The following RARB variants were observed in gnomAD, a reference collection of about 807,000 sequenced individuals.
The protein encoded by RARB is HBV-activated protein.
In RARB, 17 loss-of-function variants were observed where a neutral mutation model predicts 51.9. The observed-to-expected ratio is 0.33, with a 90% CI of 0.22 to 0.49. RARB has a LOEUF of 0.49. RARB is among the 20% of genes least tolerant of loss of function. The pLI is 0.99. For synonymous variants in RARB, 215 were observed against 195.4 expected, an observed-to-expected ratio of 1.10 and a Z score of -0.84; for missense variants, 369 against 550.8, an observed-to-expected ratio of 0.67 and a Z score of 3.30.
chr3:25,361,557 A>G (rs944479584), intron 5 of RARB, among the ~76,000 whole-genome samples: 2 of 152,086 alleles, frequency 1.3e-5, no homozygotes, highest in African/African-American at 4.8e-5. Context: ...GGAGGAGAGG[A>G]GGCATTCTGG....
At chr3:25,469,700 T>C (rs1307921468) in intron 2 of RARB, among the ~76,000 whole-genome samples, 1 of 152,158 alleles carries the variant, frequency 6.6e-6, no homozygotes, top group Non-Finnish European at 1.5e-5. Context: ...CTCCAGGATA[T>C]AGAAATGAAA....
chr3:25,309,425 C>T (rs1704233268), intron 5 of RARB, among the ~76,000 whole-genome samples: 1 of 150,248 alleles, frequency 6.7e-6, no homozygotes, highest in Non-Finnish European at 1.5e-5. Flanking sequence ...AGGCGTGAGC[C>T]ACCATGCCCG....
At chr3:25,489,899 A>G (rs1488741423) in intron 2 of RARB, among the ~76,000 whole-genome samples, 2 of 151,858 alleles carry the variant, frequency 1.3e-5, no homozygotes, top group Non-Finnish European at 2.9e-5. Context: ...AGAGGTCGAT[A>G]CTCTTAGCAT....
chr3:24,977,296 A>C (rs1448037547), intron 2 of RARB, among the ~76,000 whole-genome samples: 1 of 152,202 alleles, frequency 6.6e-6, no homozygotes, highest in African/African-American at 2.4e-5. Flanking sequence ...AATTCTGTGA[A>C]GAAAGTCAGT....
intron 1 of RARB, among the ~76,000 whole-genome samples, chr3:24,831,778 A>C (rs1379425104): frequency 1.3e-5 from 2 of 152,160 alleles, no homozygotes; most frequent in Admixed American, 6.5e-5. Context: ...AACTTGGCTC[A>C]GGTAGCTTTA....
At chr3:25,581,559 CT>C (rs1701178356) in intron 5 of RARB, among the ~76,000 whole-genome samples, 1 of 152,132 alleles carries the variant, frequency 6.6e-6, no homozygotes, top group East Asian at 1.9e-4. Flanking sequence ...CAGGGATCCC[CT>C]TTTTACAGGT....
intron 5 of RARB, among the ~76,000 whole-genome samples, chr3:25,213,844 G>C (rs1701755767): frequency 6.6e-6 from 1 of 152,102 alleles, no homozygotes; most frequent in Non-Finnish European, 1.5e-5. Flanking sequence ...TTAAAGTCTG[G>C]ACTCTTATGA....
At position 25,449,746 on chromosome 3, in the gene RARB, T is replaced by C. The variant is rs1709106211; in HGVS notation, c.158-11447T>C. On this transcript the variant is annotated intron_variant, in intron 1 of 7. Coordinates refer to ENST00000330688, the MANE Select transcript of RARB (RefSeq NM_000965.5). ...TAGTAAAACTAGACTAGCAATCTCT[T>C]TCTCTCTCTCTTTTTTTTTTTTTTA... 1.4e-5 allele frequency among the ~76,000 whole-genome samples: 2 copies of C among 141,524 alleles called. 1 individual carries two copies. The highest frequency in any genetic ancestry group is 4.6e-4 in the South Asian group (2 of 4,334). 92.8% of individuals were successfully genotyped at this position (141,524 alleles called of 152,430 possible).
At chr3:25,073,874 T>G (rs1408708018) in intron 3 of RARB, among the ~76,000 whole-genome samples, 2 of 152,216 alleles carry the variant, frequency 1.3e-5, no homozygotes, top group Non-Finnish European at 2.9e-5. Flanking sequence ...GACTTTCTTA[T>G]TCAGAGTGTT....
chr3:25,264,813 G>C (rs1703087784), intron 5 of RARB, among the ~76,000 whole-genome samples: 1 of 152,086 alleles, frequency 6.6e-6, no homozygotes, highest in African/African-American at 2.4e-5. Context: ...GAACATACTT[G>C]TCTGTAATTA....
chr3:25,596,297 C>A (rs1701825214), intron 7 of RARB, 123 bp from the exon 8 acceptor site: 2 of 763,266 alleles, frequency 2.6e-6, no homozygotes, highest in Non-Finnish European at 4.2e-6. Flanking sequence ...ATCTACATTT[C>A]ATAATTCCTA....
At chr3:25,420,102 G>C (rs116079120) in intron 5 of RARB, among the ~76,000 whole-genome samples, 6 of 152,006 alleles carry the variant, frequency 3.9e-5, no homozygotes, top group Admixed American at 1.3e-4. Context: ...GTGTGTGTGC[G>C]CGCGTGTGTG....
intron 2 of RARB, among the ~76,000 whole-genome samples, chr3:25,056,347 T>C (rs4858695): frequency 0.68 from 103,926 of 151,978 alleles, 36,084 homozygotes; most frequent in Non-Finnish European, 0.73. Flanking sequence ...CTAAAAGCAA[T>C]AAAATTCAAT....
At chr3:25,124,488 G>C (rs896501533) in intron 3 of RARB, among the ~76,000 whole-genome samples, 1 of 152,186 alleles carries the variant, frequency 6.6e-6, no homozygotes, top group African/African-American at 2.4e-5. Flanking sequence ...ATTTGATCCT[G>C]TACTGGGAAT....
intron 2 of RARB, among the ~76,000 whole-genome samples, chr3:25,471,260 A>C (rs1040828591): frequency 6.6e-6 from 1 of 152,110 alleles, no homozygotes; most frequent in East Asian, 1.9e-4. Flanking sequence ...GTCCTCTCTG[A>C]TACTATCTTT....
At chr3:24,924,999 C>G (rs73137234) in intron 2 of RARB, among the ~76,000 whole-genome samples, 1 of 152,228 alleles carries the variant, frequency 6.6e-6, no homozygotes, top group South Asian at 2.1e-4. Context: ...GGGCTGACCA[C>G]CACCACTGTT....
At chr3:25,361,731 C>T (rs1468063786) in intron 5 of RARB, among the ~76,000 whole-genome samples, 2 of 152,206 alleles carry the variant, frequency 1.3e-5, no homozygotes, top group South Asian at 2.1e-4. Flanking sequence ...TTCTACCAGT[C>T]GGTCCCCTCT....
At chr3:24,915,184 A>G (rs1219573213) in intron 2 of RARB, among the ~76,000 whole-genome samples, 1 of 152,144 alleles carries the variant, frequency 6.6e-6, no homozygotes. Flanking sequence ...TTTTTTTGAA[A>G]GAGAGGCTTT....
At chr3:24,980,438 G>C (rs1389637446) in intron 2 of RARB, among the ~76,000 whole-genome samples, 1 of 152,048 alleles carries the variant, frequency 6.6e-6, no homozygotes, top group East Asian at 1.9e-4. Context: ...TTTTCACATA[G>C]TCCCATATTT....
Sources: allele counts gnomAD v4.1 joint callset (sites outside exome capture counted in the v4.1 genomes callset), GRCh38; gene constraint gnomAD v4.1.1; transcripts MANE v1.5; gene names NCBI Gene and HGNC (gene_info 2026-07-23, HGNC 2026-07-21).